The following NDUFS2 variants were observed in gnomAD, a reference collection of about 807,000 sequenced individuals.
NDUFS2 encodes the protein NADH dehydrogenase [ubiquinone] iron-sulfur protein 2, mitochondrial.
In NDUFS2, 38 loss-of-function variants were observed where a neutral mutation model predicts 69.6. The observed-to-expected ratio is 0.55, with a 90% CI of 0.42 to 0.72. The LOEUF is 0.72. NDUFS2 is among the 30% of genes least tolerant of loss of function. NDUFS2 has a pLI of 0.00. For synonymous variants in NDUFS2, 194 were observed against 211.2 expected, an observed-to-expected ratio of 0.92 and a Z score of 0.70; for missense variants, 468 against 595.0, an observed-to-expected ratio of 0.79 and a Z score of 2.22.
At chr1:161,201,878 A>G (rs1005740787), upstream of NDUFS2, among the ~76,000 whole-genome samples, 11 of 152,142 alleles carry the variant, frequency 7.2e-5, no homozygotes, top group African/African-American at 2.7e-4. Flanking sequence ...TCCAATCTCA[A>G]TTTATGACAT....
Position 161,206,603 on chromosome 1 carries a change from G to C in NDUFS2, c.393+6G>C, listed in dbSNP as rs761619625. 3.1e-6 allele frequency: 5 copies of C among 1,612,620 alleles called. No homozygotes were observed. The highest frequency in any genetic ancestry group is 4.2e-6 in the Non-Finnish European group (5 of 1,179,868). ...AATACAAGACCTATCTTCAGGTGTG[G>C]GGGGTGAACAGGAGCCTTTTGGCGG... On this transcript the variant is annotated splice_donor_region_variant and intron_variant, in intron 3 of 13. Transcript: ENST00000676972.
chr1:161,212,212 C>G (rs1260153753), intron 9 of NDUFS2, 139 bp from the exon 10 acceptor site: 10 of 1,107,656 alleles, frequency 9.0e-6, no homozygotes, highest in Non-Finnish European at 1.3e-5. Flanking sequence ...GGTGGCCAAG[C>G]CAAGCAGAGA....
At chr1:161,212,628 C>A in intron 10 of NDUFS2, 148 bp downstream of exon 10, 1 of 1,015,416 alleles carries the variant, frequency 9.8e-7, no homozygotes, top group Non-Finnish European at 1.4e-6. Context: ...AGTGCAATCT[C>A]GGCTAACTGC....
At chr1:161,198,937 G>T (rs1048962114), upstream of NDUFS2, 7 of 333,172 alleles carry the variant, frequency 2.1e-5, no homozygotes, top group Non-Finnish European at 3.8e-5. This position sits in a 1 kb window ranked among gnomAD's most constrained non-coding sequence, Gnocchi z 4.7. Context: ...GACTCTGTCT[G>T]GGCCGCTTCT....
chr1:161,198,676 G>C, upstream of NDUFS2: 1 of 1,432,412 alleles, frequency 7.0e-7, no homozygotes, highest in Non-Finnish European at 9.2e-7. This position sits in a 1 kb window ranked among gnomAD's most constrained non-coding sequence, Gnocchi z 4.7. Flanking sequence ...AGGGCACCAA[G>C]TCCTCCACAC....
intron 2 of NDUFS2, among the ~76,000 whole-genome samples, chr1:161,205,018 T>C (rs1234138382): frequency 6.7e-6 from 1 of 149,130 alleles, no homozygotes; most frequent in African/African-American, 2.5e-5. Context: ...GCCATTGCAC[T>C]CCAGCCTGGG....
chr1:161,201,918 G>C (rs1016664663), upstream of NDUFS2: 1 of 190,708 alleles, frequency 5.2e-6, no homozygotes, highest in Non-Finnish European at 1.1e-5. Context: ...CCCAACTCCT[G>C]TCTTTTGGAT....
chr1:161,210,476 G>A, intron 8 of NDUFS2, 87 bp downstream of exon 8: 1 of 1,601,894 alleles, frequency 6.2e-7, no homozygotes, highest in Non-Finnish European at 8.6e-7. Flanking sequence ...AGACTTGTTG[G>A]CATCCTCCTA....
At chr1:161,203,772 A>G (rs1005504150) in intron 2 of NDUFS2, 13 of 549,668 alleles carry the variant, frequency 2.4e-5, no homozygotes, top group Middle Eastern at 4.9e-4. Flanking sequence ...AATTTTGAAA[A>G]TTTTCCTTTT....
At chr1:161,200,869 G>A (rs1665086532), upstream of NDUFS2, among the ~76,000 whole-genome samples, 2 of 152,166 alleles carry the variant, frequency 1.3e-5, no homozygotes, top group Non-Finnish European at 2.9e-5. Flanking sequence ...CAGTGTGTGT[G>A]GGGGTGTTGG....
intron 1 of NDUFS2, among the ~76,000 whole-genome samples, chr1:161,202,838 T>A (rs1426910482): frequency 6.6e-6 from 1 of 152,200 alleles, no homozygotes; most frequent in Non-Finnish European, 1.5e-5. Context: ...TTCACCTGGT[T>A]GATAATATCA....
At chr1:161,209,413 G>T (rs567822685) in intron 4 of NDUFS2, 70 bp from the exon 5 acceptor site, 7 of 1,609,096 alleles carry the variant, frequency 4.4e-6, no homozygotes, top group Non-Finnish European at 6.0e-6. Flanking sequence ...CAGACCCCAG[G>T]CTCTGCCCAG....
Position 161,208,588 on chromosome 1 carries a change from C to T in NDUFS2, c.394-605C>T, listed in dbSNP as rs146026314. On this transcript the variant is annotated intron_variant, in intron 3 of 13. Transcript: ENST00000676972. ...GTGTTGGGATTACAGGCGTGAGCCA[C>T]GTGCCCGGCCAAGGACTCTTGACAG... is the stretch of plus-strand genomic sequence containing the variant. Among the ~76,000 whole-genome samples the T allele has an allele frequency of 2.8e-3, 426 of 152,372 alleles. 2 individuals are homozygous for T. The highest frequency in any genetic ancestry group is 9.1e-3 in the African/African-American group (377 of 41,586).
intron 9 of NDUFS2, among the ~76,000 whole-genome samples, chr1:161,211,047 G>A (rs1665744427): frequency 6.6e-6 from 1 of 152,092 alleles, no homozygotes; most frequent in African/African-American, 2.4e-5. Flanking sequence ...GCTAATTTAT[G>A]TATTTTTAGT....
rs1466323426 is a variant in NDUFS2 at position 161,213,881 on chromosome 1, G to A, written c.1314G>A (p.Met438Ile). ...GFAHLAGLDK[M>I]SKGHMLADVV... ...CTCCCTAGGCTGGTTTGGACAAGAT[G>A]TCTAAGGGACACATGTTGGCAGATG... Residue 438 changes from methionine (M) to isoleucine (I), a missense_variant, in exon 13 of 14, where the codon ATG becomes ATA. Around this residue, in one of 3 missense-constraint regions of NDUFS2, gnomAD observed 72 missense variants for 118.9 expected, o/e 0.61. Transcript: ENST00000676972. 2 of 1,614,216 alleles carry A rather than the reference G, an allele frequency of 1.2e-6. No individual in the cohort carries two copies. The highest frequency in any genetic ancestry group is 4.5e-5 in the East Asian group (2 of 44,886).
At chr1:161,202,159 G>C, upstream of NDUFS2, 1 of 595,794 alleles carries the variant, frequency 1.7e-6, no homozygotes, top group South Asian at 1.9e-5. Flanking sequence ...AAGCCAGCCA[G>C]GAGCTGTGGG....
At chr1:161,206,019 G>A (rs886197666) in intron 2 of NDUFS2, among the ~76,000 whole-genome samples, 4 of 151,988 alleles carry the variant, frequency 2.6e-5, no homozygotes, top group Non-Finnish European at 5.9e-5. Flanking sequence ...AATGAAATGG[G>A]GATAACGATA....
chr1:161,208,545 C>T (rs1262657439), intron 3 of NDUFS2, among the ~76,000 whole-genome samples: 1 of 152,246 alleles, frequency 6.6e-6, no homozygotes, highest in African/African-American at 2.4e-5. Flanking sequence ...GGTGATCTAC[C>T]CGCCTCGGCC....
upstream of NDUFS2, among the ~76,000 whole-genome samples, chr1:161,199,732 G>A (rs940690045): frequency 6.6e-5 from 10 of 152,000 alleles, no homozygotes; most frequent in Admixed American, 1.3e-4. Flanking sequence ...AGGGGTTAAC[G>A]ACTTTTCCTT....
Sources: gnomAD v4.1 joint callset for allele counts (sites outside exome capture counted in the v4.1 genomes callset) on GRCh38, gnomAD v4.1.1 for gene constraint, gnomAD v4.1.1 regional missense constraint, Gnocchi (gnomAD v3.1) non-coding constraint, MANE v1.5 for transcripts, NCBI Gene and HGNC (gene_info 2026-07-23, HGNC 2026-07-21) for gene names.